Variants in TNMD observed in about 807,000 individuals in gnomAD.
TNMD encodes tenomodulin.
TNMD carries 15 observed loss-of-function variants against 26.9 expected under a neutral mutation model. The ratio of observed to expected loss-of-function variants is 0.56; its 90% CI spans 0.37 to 0.86. TNMD has a LOEUF of 0.86. Ranked by LOEUF, TNMD falls within the 40% of genes least tolerant of loss-of-function variation. The probability of loss-of-function intolerance (pLI) is 0.00; values close to 1 mark genes in which losing one functional copy is unlikely to be tolerated. For synonymous variants in TNMD, 73 were observed against 77.0 expected (o/e 0.95, Z 0.27); for missense variants, 222 against 242.6 (o/e 0.92, Z 0.56).
At chrX:100,592,718 C>A (rs912084107) in intron 2 of TNMD, among the ~76,000 whole-genome samples, 6 of 112,297 alleles carry the variant, frequency 5.3e-5, no homozygotes, top group Non-Finnish European at 9.4e-5. Flanking sequence ...GTTAAACTAA[C>A]ATTCAGTCAA....
At chrX:100,587,667 A>G (rs747369053) in intron 2 of TNMD, among the ~76,000 whole-genome samples, 93 of 111,930 alleles carry the variant, frequency 8.3e-4, no homozygotes, top group Non-Finnish European at 1.5e-3. Flanking sequence ...TACTTAGTCC[A>G]CTACTACCTT....
chrX:100,595,051 C>T (rs994252649), intron 4 of TNMD, among the ~76,000 whole-genome samples: 26 of 111,866 alleles, frequency 2.3e-4, no homozygotes, highest in African/African-American at 7.5e-4. Flanking sequence ...TAAAATACAA[C>T]GATCTGTAAG....
Position 100,599,112 on chromosome X carries a change from C to T in TNMD, c.674C>T (p.Pro225Leu). Residue 225 changes from proline (P) to leucine (L), a missense_variant, in exon 6 of 7, where the codon CCT becomes CTT. Physicochemically the swap from Pro to Leu is moderately conservative, Grantham distance 98 (BLOSUM62 -3). Transcript: ENST00000373031. ...GAACAAAATGAACAGTGGGTGGTCCCTCAAGTGAAAGTAGAGAAGACCCGT... is the reference window on the plus strand; with the variant it reads ...GAACAAAATGAACAGTGGGTGGTCCTTCAAGTGAAAGTAGAGAAGACCCGT... ...GIEQNEQWVV[P>L]QVKVEKTRHA... The T allele has an allele frequency of 8.3e-7, 1 of 1,206,295 alleles. No homozygotes were observed. Among genetic ancestry groups the T allele is most frequent in the South Asian group, 1.8e-5 (1 of 55,686 alleles).
intron 4 of TNMD, among the ~76,000 whole-genome samples, chrX:100,596,735 A>G (rs2082954154): frequency 8.9e-6 from 1 of 112,367 alleles, no homozygotes. Context: ...CTAAGACTTT[A>G]GAATTGTAAA....
At chrX:100,588,106 A>C (rs1336065687) in intron 2 of TNMD, among the ~76,000 whole-genome samples, 2 of 111,988 alleles carry the variant, frequency 1.8e-5, no homozygotes, top group Admixed American at 1.9e-4. Context: ...TATAATAAAC[A>C]GTATTTATTT....
In TNMD at chrX:100,591,261, G is replaced by A. The variant is rs1010028024; in HGVS notation, c.181-2634G>A. ...TCCCTGGAATAAAGCTGAGTTGGAG[G>A]CAGCTGAGATGAGCTACTTGTAGCC... On this transcript the variant is annotated intron_variant, in intron 2 of 6. Transcript: ENST00000373031. 2.7e-5 allele frequency among the ~76,000 whole-genome samples: 3 copies of A among 111,807 alleles called. No homozygotes were observed. The Admixed American group carries it at 2.8e-4, about 11-fold the overall frequency.
rs182454261 is a variant in TNMD at position 100,587,627 on chromosome X, C to T, written c.180+2265C>T. Among the ~76,000 whole-genome samples, 156 of 111,927 alleles carry T rather than the reference C, an allele frequency of 1.4e-3. No individual in the cohort carries two copies. In the Middle Eastern group the frequency reaches 0.018, roughly 13 times the overall value. On this transcript the variant is annotated intron_variant, in intron 2 of 6. Transcript: ENST00000373031. Reference sequence around the variant, plus strand: ...AAGACCAGGTTTGGTTCATTGAAAACTAAGAAATCAGCTGGAAATGAGGAT... The same window carrying T: ...AAGACCAGGTTTGGTTCATTGAAAATTAAGAAATCAGCTGGAAATGAGGAT...
At position 100,585,311 on chromosome X, in the gene TNMD, A is replaced by G. The variant is rs746810521; in HGVS notation, c.129A>G (p.Leu43=). 22 of 1,211,113 alleles carry G rather than the reference A, an allele frequency of 1.8e-5. No homozygotes were observed. In the South Asian group the frequency reaches 3.5e-4, roughly 19 times the overall value. ...GLVFGILALT[L]IVLFWGSKHF... ...TGTTTGGTATCCTGGCCCTAACTCT[A>G]ATTGTCCTGTTTTGGGGGAGCAAGC... The change falls in exon 2 of 7, where the codon CTA becomes CTG. Residue 43 remains leucine (L), a synonymous_variant. Coordinates refer to ENST00000373031, the MANE Select transcript of TNMD (RefSeq NM_022144.3).
chrX:100,594,981 G>A (rs747263460), intron 4 of TNMD, among the ~76,000 whole-genome samples: 2 of 111,882 alleles, frequency 1.8e-5, no homozygotes, highest in Non-Finnish European at 3.8e-5. Context: ...GGCAACCTAG[G>A]GTGCTGGTGA....
chrX:100,586,340 G>A (rs1037070675), intron 2 of TNMD, among the ~76,000 whole-genome samples: 38 of 111,648 alleles, frequency 3.4e-4, no homozygotes, highest in African/African-American at 1.2e-3. Context: ...AACAGATGTA[G>A]GGAGAAAAAA....
At chrX:100,599,228 C>A in intron 6 of TNMD, 46 bp downstream of exon 6, 1 of 1,048,955 alleles carries the variant, frequency 9.5e-7, no homozygotes, top group Admixed American at 3.3e-5. Context: ...GAAAAAAGAG[C>A]CCTCACAAAA....
Position 100,585,300 on chromosome X carries a change from G to A in TNMD, c.118G>A (p.Ala40Thr). 1 of 1,210,646 alleles carries A rather than the reference G, an allele frequency of 8.3e-7. No homozygotes were observed. Among genetic ancestry groups the A allele is most frequent in the Non-Finnish European group, 1.1e-6 (1 of 894,740 alleles). ...TTGTGGACTGGTGTTTGGTATCCTG[G>A]CCCTAACTCTAATTGTCCTGTTTTG... ...KICGLVFGILALTLIVLFWGS... is the reference protein window; with the variant it reads ...KICGLVFGILTLTLIVLFWGS... The change falls in exon 2 of 7, where the codon GCC becomes ACC. Residue 40 changes from alanine (A) to threonine (T), a missense_variant. Physicochemically the swap from Ala to Thr is moderately conservative, Grantham distance 58. Coordinates refer to ENST00000373031, the MANE Select transcript of TNMD (RefSeq NM_022144.3).
intron 2 of TNMD, among the ~76,000 whole-genome samples, chrX:100,592,752 T>C (rs1424466639): frequency 8.9e-6 from 1 of 112,459 alleles, no homozygotes; most frequent in Non-Finnish European, 1.9e-5. Context: ...GACTAAAAAA[T>C]GACCCAACCT....
intron 2 of TNMD, among the ~76,000 whole-genome samples, chrX:100,590,505 T>A (rs754547796): frequency 8.9e-6 from 1 of 112,315 alleles, no homozygotes; most frequent in East Asian, 2.8e-4. Flanking sequence ...AAGAGGGATG[T>A]TAGGGCTCAT....
At chrX:100,585,406 T>A in intron 2 of TNMD, 44 bp downstream of exon 2, 7 of 1,129,180 alleles carry the variant, frequency 6.2e-6, no homozygotes, top group Middle Eastern at 2.5e-4. Context: ...GTTCTGAGTT[T>A]GATTGAATTT....
intron 2 of TNMD, among the ~76,000 whole-genome samples, chrX:100,589,121 A>G (rs1300306146): frequency 1.8e-5 from 2 of 110,599 alleles, no homozygotes; most frequent in Non-Finnish European, 3.8e-5. Flanking sequence ...GTGCGTGCCT[A>G]TTTCTTGGCA....
intron 2 of TNMD, among the ~76,000 whole-genome samples, chrX:100,591,307 C>T (rs1386646506): frequency 8.9e-6 from 1 of 111,802 alleles, no homozygotes; most frequent in Non-Finnish European, 1.9e-5. Context: ...TCTCTTCAGG[C>T]CAGTCATCCT....
At chrX:100,595,906 T>A (rs2147609498) in intron 4 of TNMD, among the ~76,000 whole-genome samples, 1 of 112,251 alleles carries the variant, frequency 8.9e-6, no homozygotes, top group Admixed American at 9.4e-5. Flanking sequence ...ATCAATAGGA[T>A]TAAAAAGCTA....
In TNMD at chrX:100,594,374, G is replaced by T. The variant is rs2147608685; in HGVS notation, c.423+12G>T. The T allele has an allele frequency of 9.3e-7, 1 of 1,072,233 alleles. No homozygotes were observed. The highest frequency in any genetic ancestry group is 2.1e-5 in the South Asian group (1 of 48,332). 88.4% of individuals were successfully genotyped at this position (1,072,233 alleles called of 1,213,427 possible). On this transcript the variant is annotated intron_variant, in intron 4 of 6. Coordinates refer to ENST00000373031, the MANE Select transcript of TNMD (RefSeq NM_022144.3). ...AGGAAATAGATGAGGTATGTAAGAA[G>T]AATAATTGTGGTGGCAAAAGACATC...
Sources: gnomAD v4.1 joint callset for allele counts (sites outside exome capture counted in the v4.1 genomes callset) on GRCh38, gnomAD v4.1.1 for gene constraint, MANE v1.5 for transcripts, NCBI Gene and HGNC (gene_info 2026-07-23, HGNC 2026-07-21) for gene names.